The following CATSPERB variants were observed in gnomAD, a reference collection of about 807,000 sequenced individuals.
CATSPERB encodes the protein catsper channel auxiliary subunit beta, also known as cation channel sperm-associated auxiliary subunit beta.
CATSPERB carries 93 observed loss-of-function variants against 128.3 expected under a neutral mutation model. The ratio of observed to expected loss-of-function variants is 0.72; its 90% confidence interval spans 0.61 to 0.86. CATSPERB has a LOEUF of 0.86. Ranked by LOEUF, CATSPERB falls within the 40% of genes least tolerant of loss-of-function variation. The pLI, the probability that CATSPERB is intolerant of heterozygous loss-of-function variation, is 0.00. For synonymous variants in CATSPERB, 381 were observed against 448.8 expected (o/e 0.85, Z 1.91); for missense variants, 1,153 against 1,329.5 (o/e 0.87, Z 2.06).
At chr14:91,670,620 T>C (rs1743150) in intron 13 of CATSPERB, among the ~76,000 whole-genome samples, 29,457 of 151,658 alleles carry the variant, frequency 0.19, 3,084 homozygotes, top group African/African-American at 0.25. Context: ...TTAGAGTCTG[T>C]GGTGAACTAT....
intron 22 of CATSPERB, chr14:91,604,837 A>C: frequency 6.6e-7 from 1 of 1,514,616 alleles, no homozygotes; most frequent in South Asian, 1.1e-5. Context: ...CACCATTGCT[A>C]TTCTTTGGCC....
chr14:91,719,219 T>A (rs1022918522), intron 5 of CATSPERB, among the ~76,000 whole-genome samples, 199 bp downstream of exon 5: 2 of 152,210 alleles, frequency 1.3e-5, no homozygotes, highest in Non-Finnish European at 2.9e-5. Flanking sequence ...ATAATATGAC[T>A]GTCAGGTAAA....
In CATSPERB at chr14:91,685,498, G is replaced by A. The variant is rs543814284; in HGVS notation, c.865-1555C>T. ...ATTGAGACTGCCTATGTGCAAGGCC[G>A]TGTGGTAATTTATCGGGATACAATA... On this transcript the variant is annotated intron_variant, in intron 10 of 26. Coordinates refer to ENST00000256343, the MANE Select transcript of CATSPERB (RefSeq NM_024764.4). 1.1e-4 allele frequency among the ~76,000 whole-genome samples: 16 copies of A among 152,228 alleles called. No individual in the cohort carries two copies. The South Asian group carries it at 2.9e-3, about 28-fold the overall frequency.
intron 13 of CATSPERB, among the ~76,000 whole-genome samples, chr14:91,671,336 C>T (rs760932071): frequency 8.6e-5 from 13 of 151,850 alleles, no homozygotes; most frequent in South Asian, 8.3e-4. Context: ...CACTTTGGGA[C>T]GCCAACGTGG....
chr14:91,696,815 G>A (rs1250243563), intron 7 of CATSPERB, among the ~76,000 whole-genome samples: 1 of 152,220 alleles, frequency 6.6e-6, no homozygotes, highest in South Asian at 2.1e-4. Context: ...CAAGGGCTGA[G>A]GGGTAGCCTT....
chr14:91,654,099 G>T (rs1894750404), intron 15 of CATSPERB, among the ~76,000 whole-genome samples: 1 of 152,316 alleles, frequency 6.6e-6, no homozygotes, highest in Non-Finnish European at 1.5e-5. Flanking sequence ...TGGGTGAGTA[G>T]AGGAGGGGAG....
intron 15 of CATSPERB, 34 bp downstream of exon 15, chr14:91,659,803 G>T: frequency 6.3e-7 from 1 of 1,582,206 alleles, no homozygotes. Context: ...TGGGCCACAT[G>T]TAATGCTTAC....
intron 2 of CATSPERB, among the ~76,000 whole-genome samples, chr14:91,727,598 T>C (rs1272806713): frequency 6.6e-6 from 1 of 152,238 alleles, no homozygotes; most frequent in African/African-American, 2.4e-5. Flanking sequence ...GCAGTCACTT[T>C]GCCCATACTT....
At chr14:91,662,535 G>A (rs148757349) in intron 14 of CATSPERB, among the ~76,000 whole-genome samples, 91 of 152,184 alleles carry the variant, frequency 6.0e-4, no homozygotes, top group African/African-American at 2.1e-3. Flanking sequence ...AAATGTCTCC[G>A]GATATATGTG....
At chr14:91,667,391 AAGTC>A (rs1194524104) in intron 14 of CATSPERB, among the ~76,000 whole-genome samples, 1 of 152,208 alleles carries the variant, frequency 6.6e-6, no homozygotes, top group Non-Finnish European at 1.5e-5. Context: ...AAGAGACAGA[AAGTC>A]AGATAGAAAG....
chr14:91,714,008 G>A (rs963042249), intron 5 of CATSPERB, among the ~76,000 whole-genome samples: 1 of 151,980 alleles, frequency 6.6e-6, no homozygotes, highest in African/African-American at 2.4e-5. Flanking sequence ...ATTCAAAAAG[G>A]AATCAATGTA....
intron 17 of CATSPERB, among the ~76,000 whole-genome samples, chr14:91,629,391 C>T (rs890563295): frequency 1.4e-4 from 22 of 152,122 alleles, no homozygotes; most frequent in African/African-American, 5.3e-4. Context: ...AGAGGCAAAG[C>T]ATAGAGAATT....
chr14:91,675,472 G>C (rs1453765526), intron 11 of CATSPERB, among the ~76,000 whole-genome samples: 1 of 152,334 alleles, frequency 6.6e-6, no homozygotes, highest in African/African-American at 2.4e-5. Context: ...GGTAACACTT[G>C]AGCTCTGCTC....
intron 6 of CATSPERB, among the ~76,000 whole-genome samples, chr14:91,705,826 G>A (rs997658825): frequency 3.3e-5 from 5 of 152,150 alleles, no homozygotes; most frequent in Non-Finnish European, 4.4e-5. Flanking sequence ...TGAGCCTTTC[G>A]AAAGAACGTC....
intron 15 of CATSPERB, among the ~76,000 whole-genome samples, chr14:91,647,039 T>C (rs1466182256): frequency 6.6e-6 from 1 of 152,176 alleles, no homozygotes; most frequent in African/African-American, 2.4e-5. Flanking sequence ...GCCAACATGG[T>C]GAAACCTCAT....
intron 16 of CATSPERB, 73 bp from the exon 17 acceptor site, chr14:91,636,652 G>T: frequency 7.7e-7 from 1 of 1,301,650 alleles, no homozygotes; most frequent in Non-Finnish European, 1.0e-6. Flanking sequence ...TGAAGTCACA[G>T]ATTTATTTCC....
At chr14:91,586,012 G>C (rs1024724320) in intron 26 of CATSPERB, among the ~76,000 whole-genome samples, 13 of 152,198 alleles carry the variant, frequency 8.5e-5, no homozygotes, top group African/African-American at 3.1e-4. Flanking sequence ...CCAAGCTGTT[G>C]CTATGCTATT....
At position 91,693,477 on chromosome 14, in the gene CATSPERB, C is replaced by T. The variant is rs1390231303; in HGVS notation, c.619G>A (p.Val207Ile). The T allele has an allele frequency of 2.0e-5, 33 of 1,611,322 alleles. No individual in the cohort carries two copies. Among genetic ancestry groups the T allele is most frequent in the Non-Finnish European group, 2.7e-5 (32 of 1,178,600 alleles). Reference sequence around the variant, plus strand: ...CCACCAAAGGTTATGCCTATGTAAACACCTACCATGAAACAAAAGGAAAAT... The same window carrying T: ...CCACCAAAGGTTATGCCTATGTAAATACCTACCATGAAACAAAAGGAAAAT... Reference protein sequence around the residue: ...GFIVDTIVDGVYIGITFGGFW... With the variant: ...GFIVDTIVDGIYIGITFGGFW... The change falls in exon 8 of 27, where the codon GTT (valine) becomes ATT (isoleucine). Residue 207 changes from valine (V) to isoleucine (I), a missense_variant and splice_region_variant. By Grantham distance (29) the Val-to-Ile change is conservative. Transcript: ENST00000256343.
chr14:91,668,397 G>C (rs1184451435), intron 14 of CATSPERB, among the ~76,000 whole-genome samples: 1 of 152,002 alleles, frequency 6.6e-6, no homozygotes, highest in Non-Finnish European at 1.5e-5. Context: ...TCTAGCTAAA[G>C]GATTGTAAAC....
Sources: allele counts gnomAD v4.1 joint callset (sites outside exome capture counted in the v4.1 genomes callset), GRCh38; gene constraint gnomAD v4.1.1; transcripts MANE v1.5; gene names NCBI Gene and HGNC (gene_info 2026-07-23, HGNC 2026-07-21).